The following CAPN8 variants were observed in gnomAD, a reference collection of about 807,000 sequenced individuals.
CAPN8 encodes the protein calpain 8.
A neutral mutation model predicts 80.9 loss-of-function variants in CAPN8; 87 were observed. The ratio of observed to expected loss-of-function variants is 1.07; its 90% CI spans 0.90 to 1.28. The LOEUF (loss-of-function observed/expected upper bound fraction) is 1.28. CAPN8 is among the 50% of genes most tolerant of loss of function. The probability of loss-of-function intolerance (pLI) is 0.00; values close to 1 mark genes in which losing one functional copy is unlikely to be tolerated. For synonymous variants in CAPN8, 299 were observed against 273.8 expected, an observed-to-expected ratio of 1.09 and a Z score of -0.91; for missense variants, 757 against 702.0, an observed-to-expected ratio of 1.08 and a Z score of -0.89.
At chr1:223,610,602 G>T (rs1011097250) in intron 11 of CAPN8, among the ~76,000 whole-genome samples, 13 of 152,184 alleles carry the variant, frequency 8.5e-5, no homozygotes, top group Admixed American at 7.2e-4. Context: ...CTTGGGTTGG[G>T]AAGGGGGCAA....
intron 1 of CAPN8, among the ~76,000 whole-genome samples, chr1:223,654,725 G>C (rs954054206): frequency 3.9e-5 from 6 of 152,014 alleles, no homozygotes; most frequent in Admixed American, 3.9e-4. Context: ...GCCCAGCCTG[G>C]AGTGCAGTGG....
intron 10 of CAPN8, among the ~76,000 whole-genome samples, chr1:223,614,275 C>T (rs1312174209): frequency 6.6e-6 from 1 of 152,140 alleles, no homozygotes; most frequent in Non-Finnish European, 1.5e-5. Context: ...TGGCACGCAC[C>T]TGTAATCCCA....
chr1:223,658,281 A>G lies in CAPN8; in HGVS notation c.238-3882T>C, dbSNP rs559993194. Among the ~76,000 whole-genome samples the G allele has an allele frequency of 1.1e-4, 16 of 152,304 alleles. No homozygotes were observed. The South Asian group carries it at 3.3e-3, about 32-fold the overall frequency. ...AATAGGCCTCCCAAGTTCTGCTAAA[A>G]TGTTGAGTTTGGGTTGGAAGACAGA... On this transcript the variant is annotated intron_variant, in intron 1 of 20. Coordinates refer to ENST00000366872, the MANE Select transcript of CAPN8 (RefSeq NM_001143962.2).
chr1:223,626,387 G>A (rs150502385), intron 5 of CAPN8, among the ~76,000 whole-genome samples: 35 of 152,084 alleles, frequency 2.3e-4, no homozygotes, highest in East Asian at 1.2e-3. Context: ...TCACTTTGTC[G>A]TTCACATTTC....
chr1:223,554,665 C>T (rs1656866653), intron 13 of CAPN8, among the ~76,000 whole-genome samples: 2 of 152,140 alleles, frequency 1.3e-5, no homozygotes, highest in Admixed American at 1.3e-4. Flanking sequence ...AGAACATGGC[C>T]TAGTAGAAAG....
intron 16 of CAPN8, 97 bp from the exon 17 acceptor site, chr1:223,545,396 G>A: frequency 2.0e-6 from 3 of 1,528,822 alleles, no homozygotes; most frequent in Non-Finnish European, 2.6e-6. Flanking sequence ...TAAGGCCTTA[G>A]TGAACCTTCC....
At chr1:223,552,058 C>T (rs34267716) in intron 14 of CAPN8, among the ~76,000 whole-genome samples, 9 of 152,032 alleles carry the variant, frequency 5.9e-5, no homozygotes, top group Admixed American at 3.9e-4. Context: ...GCAGAGAAGG[C>T]GTGCTGGGCT....
intron 5 of CAPN8, 62 bp downstream of exon 5, chr1:223,626,927 C>T: frequency 6.6e-7 from 1 of 1,515,870 alleles, no homozygotes; most frequent in Non-Finnish European, 8.9e-7. Context: ...CTCATCCCTT[C>T]CCTACCACAC....
intron 6 of CAPN8, among the ~76,000 whole-genome samples, chr1:223,624,962 G>C (rs71524966): frequency 0.19 from 28,968 of 151,012 alleles, 2,850 homozygotes; most frequent in Middle Eastern, 0.26. Flanking sequence ...GCGTGGTGGC[G>C]GGCGCCTGTA....
intron 10 of CAPN8, among the ~76,000 whole-genome samples, chr1:223,613,628 C>G (rs1657091427): frequency 1.3e-5 from 2 of 152,222 alleles, no homozygotes; most frequent in South Asian, 4.1e-4. Flanking sequence ...AATGCAGGAT[C>G]CTGACTGCAA....
chr1:223,612,334 G>T, intron 10 of CAPN8, 77 bp from the exon 11 acceptor site: 1 of 1,210,876 alleles, frequency 8.3e-7, no homozygotes, highest in Non-Finnish European at 1.0e-6. Flanking sequence ...CTCTCCCTAT[G>T]TCTTGCAAAC....
At chr1:223,612,326 C>T in intron 10 of CAPN8, 69 bp from the exon 11 acceptor site, 2 of 1,220,782 alleles carry the variant, frequency 1.6e-6, no homozygotes, top group African/African-American at 1.6e-5. Flanking sequence ...CTTTTCCTCT[C>T]TCCCTATGTC....
Position 223,551,037 on chromosome 1 carries a change from T to C in CAPN8, c.1642-20A>G. ...AGAATCCTAGAAAGAGGAACCCAAATGCAAATCATGTCAGGCCCTGACAAG... is the reference window on the plus strand; with the variant it reads ...AGAATCCTAGAAAGAGGAACCCAAACGCAAATCATGTCAGGCCCTGACAAG... On this transcript the variant is annotated intron_variant, in intron 14 of 20. Coordinates refer to ENST00000366872, the MANE Select transcript of CAPN8 (RefSeq NM_001143962.2). 2.8e-6 allele frequency: 2 copies of C among 717,698 alleles called. No individual in the cohort carries two copies. The highest frequency in any genetic ancestry group is 5.2e-6 in the Non-Finnish European group (2 of 384,828). The allele number at this position is 717,698 out of a possible 1,614,324, so 44.5% of individuals were successfully genotyped here.
At position 223,622,897 on chromosome 1, in the gene CAPN8, T is replaced by A; in HGVS notation, c.817A>T (p.Asn273Tyr). 1.9e-6 allele frequency: 3 copies of A among 1,551,506 alleles called. No homozygotes were observed. Among genetic ancestry groups the A allele is most frequent in the Non-Finnish European group, 2.6e-6 (3 of 1,146,790 alleles). ...AGCTTCTCTGGATGGCCCTGGAAAT[T>A]CACCTGCAAATTCCATACACAGAAA... The part of the protein sequence containing the change: ...AYSVTGVEEV[N>Y]FQGHPEKLIR... The change falls in exon 7 of 21, where the codon AAT becomes TAT. Residue 273 changes from asparagine (N) to tyrosine (Y), a missense_variant. Coordinates refer to ENST00000366872, the MANE Select transcript of CAPN8 (RefSeq NM_001143962.2).
At chr1:223,637,756 C>A (rs1571724909) in intron 2 of CAPN8, among the ~76,000 whole-genome samples, 1 of 152,178 alleles carries the variant, frequency 6.6e-6, no homozygotes, top group African/African-American at 2.4e-5. Context: ...AGATCACCAT[C>A]TCTGCCCTTG....
chr1:223,544,373 C>T (rs953145838), intron 18 of CAPN8, 190 bp from the exon 19 acceptor site: 6 of 595,584 alleles, frequency 1.0e-5, no homozygotes, highest in South Asian at 2.0e-5. Context: ...CTTGTAGCTA[C>T]TCCTCACCAA....
At chr1:223,618,054 C>T in intron 9 of CAPN8, 1 of 618,584 alleles carries the variant, frequency 1.6e-6, no homozygotes, top group Non-Finnish European at 2.8e-6. Flanking sequence ...GAGCACAGCC[C>T]TGCAGTGAGC....
At chr1:223,651,913 GA>G (rs1463604133) in intron 2 of CAPN8, among the ~76,000 whole-genome samples, 1 of 152,222 alleles carries the variant, frequency 6.6e-6, no homozygotes, top group Non-Finnish European at 1.5e-5. Flanking sequence ...AGATTTGCTT[GA>G]ATTTGCACAA....
At chr1:223,554,830 A>C in intron 13 of CAPN8, among the ~76,000 whole-genome samples, 1 of 152,356 alleles carries the variant, frequency 6.6e-6, no homozygotes, top group Non-Finnish European at 1.5e-5. Flanking sequence ...ATGAGAGCTA[A>C]TGTGGGTCAA....
Sources: gnomAD v4.1 joint callset for allele counts (sites outside exome capture counted in the v4.1 genomes callset) on GRCh38, gnomAD v4.1.1 for gene constraint, MANE v1.5 for transcripts, NCBI Gene and HGNC (gene_info 2026-07-23, HGNC 2026-07-21) for gene names.